CYP39A1: variants seen among roughly 807,000 people sequenced by gnomAD.
CYP39A1 encodes the protein 24-hydroxycholesterol 7-alpha-hydroxylase.
Under a neutral mutation model 58.1 loss-of-function variants are expected in CYP39A1, and 49 were observed. The observed-to-expected ratio is 0.84, with a 90% CI of 0.67 to 1.07. The LOEUF (loss-of-function observed/expected upper bound fraction) is 1.07, where lower values mean the gene tolerates loss of function less well. CYP39A1 is among the 50% of genes least tolerant of loss of function. The probability of loss-of-function intolerance (pLI) is 0.00; values close to 1 mark genes in which losing one functional copy is unlikely to be tolerated. For missense variants in CYP39A1, 531 were observed against 539.4 expected (o/e 0.98, Z 0.16); for synonymous variants, 209 against 187.6 (o/e 1.11, Z -0.93).
intron 9 of CYP39A1, among the ~76,000 whole-genome samples, chr6:46,587,511 A>G (rs1209258988): frequency 6.6e-6 from 1 of 152,190 alleles, no homozygotes; most frequent in Non-Finnish European, 1.5e-5. Flanking sequence ...AGACACTGAC[A>G]TCCCTGCCTG....
intron 10 of CYP39A1, among the ~76,000 whole-genome samples, chr6:46,571,515 C>A (rs35625121): frequency 0.032 from 4,868 of 152,138 alleles, 109 homozygotes; most frequent in Non-Finnish European, 0.049. Flanking sequence ...GAATTAACGT[C>A]TAGTTTGTCT....
intron 1 of CYP39A1, among the ~76,000 whole-genome samples, chr6:46,648,161 G>T (rs562009025): frequency 6.6e-6 from 1 of 151,908 alleles, no homozygotes; most frequent in African/African-American, 2.4e-5. Flanking sequence ...CCCATTACTG[G>T]GTATATACCC....
intron 2 of CYP39A1, among the ~76,000 whole-genome samples, chr6:46,640,665 T>C (rs1032826519): frequency 9.2e-5 from 14 of 152,284 alleles, no homozygotes; most frequent in Middle Eastern, 3.4e-3. Flanking sequence ...AGGTTTGTTA[T>C]ACAAGTATAT....
intron 10 of CYP39A1, among the ~76,000 whole-genome samples, chr6:46,577,021 A>G (rs1467271802): frequency 6.6e-6 from 1 of 152,214 alleles, no homozygotes; most frequent in African/African-American, 2.4e-5. Context: ...TCTTAGAGCC[A>G]GCAATGGAGA....
At chr6:46,559,222 C>T (rs185935160) in intron 10 of CYP39A1, among the ~76,000 whole-genome samples, 11 of 152,228 alleles carry the variant, frequency 7.2e-5, no homozygotes, top group Non-Finnish European at 1.3e-4. Flanking sequence ...CCTCATGTTA[C>T]TCTATACTCA....
intron 11 of CYP39A1, among the ~76,000 whole-genome samples, chr6:46,550,895 AT>A (rs929090922): frequency 3.9e-5 from 6 of 151,972 alleles, no homozygotes; most frequent in African/African-American, 7.2e-5. Flanking sequence ...ATAAAGATAT[AT>A]TTTTTTTGAG....
chr6:46,553,800 A>G lies in CYP39A1; in HGVS notation c.1305T>C (p.Tyr435=), dbSNP rs373330451. ...QMCIILILYK[Y]DCSLLDPLPK... is the part of the protein sequence containing the mutation. Reference sequence around the variant, plus strand: ...GTAATGGGTCCAGAAGACTACAGTCATATTTATAAAGTATTAAAATAATAC... The same window carrying G: ...GTAATGGGTCCAGAAGACTACAGTCGTATTTATAAAGTATTAAAATAATAC... The change falls in exon 11 of 12, where the codon TAT becomes TAC. Residue 435 remains tyrosine (Y), a synonymous_variant. Coordinates refer to ENST00000275016, the MANE Select transcript of CYP39A1 (RefSeq NM_016593.5). 1.2e-6 allele frequency: 2 copies of G among 1,611,292 alleles called. No individual in the cohort carries two copies. The highest frequency in any genetic ancestry group is 1.7e-6 in the Non-Finnish European group (2 of 1,178,358).
intron 10 of CYP39A1, among the ~76,000 whole-genome samples, chr6:46,563,155 T>C (rs1056496488): frequency 1.3e-5 from 2 of 151,900 alleles, no homozygotes; most frequent in South Asian, 2.1e-4. Context: ...GCCTTTACTA[T>C]GTCACTGAAT....
intron 10 of CYP39A1, among the ~76,000 whole-genome samples, chr6:46,570,596 T>C (rs1332360654): frequency 6.6e-6 from 1 of 152,156 alleles, no homozygotes; most frequent in Admixed American, 6.6e-5. Context: ...AGAGGCTTAT[T>C]TGGCTCATGG....
At chr6:46,572,171 TA>T (rs1298025717) in intron 10 of CYP39A1, among the ~76,000 whole-genome samples, 5 of 127,058 alleles carry the variant, frequency 3.9e-5, no homozygotes, top group South Asian at 2.3e-4. Flanking sequence ...TTGTGTTTAA[TA>T]TTTTTTTCGG....
rs1246354792 is a variant in CYP39A1 at position 46,639,574 on chromosome 6, A to G, written c.408T>C (p.Thr136=). The G allele has an allele frequency of 3.1e-6, 5 of 1,613,926 alleles. No homozygotes were observed. The highest frequency in any genetic ancestry group is 4.2e-6 in the Non-Finnish European group (5 of 1,179,916). Residue 136 remains threonine (T), a synonymous_variant, in exon 3 of 12, where the codon ACT becomes ACC. Coordinates refer to ENST00000275016, the MANE Select transcript of CYP39A1 (RefSeq NM_016593.5). ...CATGTAATTCTTCAGTCAGTTGCCC[A>G]GTAAACTGATGGAGATTGACAGTCC... The part of the protein sequence containing the change: ...KMGTVNLHQF[T]GQLTEELHEQ...
chr6:46,556,308 T>C (rs565322456), intron 10 of CYP39A1, among the ~76,000 whole-genome samples: 16 of 152,302 alleles, frequency 1.1e-4, no homozygotes, highest in African/African-American at 3.6e-4. Flanking sequence ...GAGAGTATTA[T>C]TAATTCAGCA....
In CYP39A1 at chr6:46,568,215, T is replaced by C. The variant is rs144492895; in HGVS notation, c.1251-14361A>G. Among the ~76,000 whole-genome samples the C allele has an allele frequency of 4.5e-3, 688 of 152,266 alleles. 5 individuals carry two copies. Among genetic ancestry groups the C allele is most frequent in the Middle Eastern group, 0.02 (6 of 294 alleles). Reference sequence around the variant, plus strand: ...CATTTGTGTATGTTCTCTGGAGAAATGTCTATTTAAGTTCTTTGCTCATTT... The same window carrying C: ...CATTTGTGTATGTTCTCTGGAGAAACGTCTATTTAAGTTCTTTGCTCATTT... On this transcript the variant is annotated intron_variant, in intron 10 of 11. Coordinates refer to ENST00000275016, the MANE Select transcript of CYP39A1 (RefSeq NM_016593.5).
At chr6:46,621,352 G>A (rs1459063289) in intron 7 of CYP39A1, among the ~76,000 whole-genome samples, 2 of 152,044 alleles carry the variant, frequency 1.3e-5, no homozygotes, top group African/African-American at 4.8e-5. Context: ...AAATCACTAG[G>A]AAAAATAAAA....
At chr6:46,580,601 G>A (rs918768983) in intron 10 of CYP39A1, among the ~76,000 whole-genome samples, 2 of 152,102 alleles carry the variant, frequency 1.3e-5, no homozygotes, top group African/African-American at 4.8e-5. Context: ...TTTGGCATAT[G>A]CATCTCACAA....
At chr6:46,652,313 G>T in intron 1 of CYP39A1, 93 bp downstream of exon 1, 2 of 1,244,622 alleles carry the variant, frequency 1.6e-6, no homozygotes, top group Non-Finnish European at 2.2e-6. Flanking sequence ...TATGTTCCCC[G>T]TGTTCTAGCC....
intron 6 of CYP39A1, 100 bp downstream of exon 6, chr6:46,630,863 G>A (rs1021774522): frequency 1.1e-6 from 1 of 939,662 alleles, no homozygotes; most frequent in East Asian, 2.5e-5. Flanking sequence ...TTTCCATAAT[G>A]AGTGATGAGT....
intron 1 of CYP39A1, among the ~76,000 whole-genome samples, chr6:46,645,966 C>T (rs1320700056): frequency 1.3e-5 from 2 of 152,018 alleles, no homozygotes; most frequent in Admixed American, 1.3e-4. Context: ...TAGTATGTAA[C>T]CAAACAATTG....
intron 6 of CYP39A1, among the ~76,000 whole-genome samples, chr6:46,627,254 A>C (rs567152500): frequency 4.7e-4 from 72 of 152,286 alleles, no homozygotes; most frequent in Non-Finnish European, 9.6e-4. Flanking sequence ...GGGTGGGTAC[A>C]CAGAGCCAAG....
Sources: gnomAD v4.1 joint callset for allele counts (sites outside exome capture counted in the v4.1 genomes callset) on GRCh38, gnomAD v4.1.1 for gene constraint, MANE v1.5 for transcripts, NCBI Gene and HGNC (gene_info 2026-07-23, HGNC 2026-07-21) for gene names.